Variants in HPS4 observed in about 807,000 individuals in gnomAD.
HPS4 encodes BLOC-3 complex member HPS4.
In HPS4, 44 loss-of-function variants were observed where a neutral mutation model predicts 70.3. The ratio of observed to expected loss-of-function variants is 0.63; its 90% CI spans 0.49 to 0.80. HPS4 has a LOEUF of 0.80. Ranked by LOEUF, HPS4 falls within the 30% of genes least tolerant of loss-of-function variation. The pLI, the probability that HPS4 is intolerant of heterozygous loss-of-function variation, is 0.00. For missense variants in HPS4, 873 were observed against 884.4 expected, an observed-to-expected ratio of 0.99 and a Z score of 0.16; for synonymous variants, 377 against 355.9, an observed-to-expected ratio of 1.06 and a Z score of -0.67.
In HPS4 at chr22:26,464,366, T is replaced by C. The variant is rs2146550913; in HGVS notation, c.1264A>G (p.Ile422Val). Residue 422 changes from isoleucine to valine, a missense_variant, in exon 11 of 14, where the codon ATC becomes GTC. Ile to Val is a conservative substitution (Grantham distance 29). Transcript: ENST00000398145. ...GCAGAGGGAGGGCGCAAGCTGCTGA[T>C]GGCTGTGTCCTCAGGAGGCGTGGGT... Reference protein sequence around the residue: ...LEPTPPEDTAISSLRPPSAPE... With the variant: ...LEPTPPEDTAVSSLRPPSAPE... The C allele has an allele frequency of 6.2e-7, 1 of 1,614,176 alleles. No homozygotes were observed.
intron 11 of HPS4, among the ~76,000 whole-genome samples, chr22:26,462,233 C>T (rs566571607): frequency 2.6e-5 from 4 of 152,206 alleles, no homozygotes; most frequent in Non-Finnish European, 5.9e-5. Context: ...CCACAGAAGC[C>T]CATGGAGGCT....
intron 9 of HPS4, 67 bp from the exon 10 acceptor site, chr22:26,465,618 G>T (rs1352385290): frequency 1.5e-6 from 2 of 1,311,202 alleles, no homozygotes; most frequent in Non-Finnish European, 1.1e-6. Flanking sequence ...GGCAATAGCT[G>T]CACTGGCGTG....
downstream of HPS4, chr22:26,444,032 G>A (rs752918022): frequency 3.3e-5 from 5 of 152,242 alleles, no homozygotes; most frequent in Non-Finnish European, 5.9e-5. Context: ...GCCAAACTGG[G>A]CCTGGAAAAT....
At chr22:26,445,247 T>G (rs2084914417) in intron 3 of HPS4, among the ~76,000 whole-genome samples, 1 of 151,940 alleles carries the variant, frequency 6.6e-6, no homozygotes, top group African/African-American at 2.4e-5. Flanking sequence ...GGTGGGAGGA[T>G]CACTTGAACC....
At chr22:26,470,868 G>T in intron 6 of HPS4, 55 bp from the exon 7 acceptor site, 1 of 1,606,662 alleles carries the variant, frequency 6.2e-7, no homozygotes, top group South Asian at 1.1e-5. Flanking sequence ...CAATCAGGAA[G>T]GGAGAAAAGG....
At chr22:26,473,094 G>C (rs1045043856) in intron 4 of HPS4, 155 bp from the exon 5 acceptor site, 5 of 690,666 alleles carry the variant, frequency 7.2e-6, no homozygotes, top group Non-Finnish European at 1.3e-5. Context: ...TTCTGGCCAA[G>C]TTAATCTCCA....
chr22:26,463,200 C>T (rs2087678647), intron 11 of HPS4, among the ~76,000 whole-genome samples: 1 of 152,184 alleles, frequency 6.6e-6, no homozygotes, highest in South Asian at 2.1e-4. Context: ...GTTTACCACT[C>T]TAAGCCTCTA....
chr22:26,452,963 C>T lies in HPS4; in HGVS notation c.*270G>A. 2.1e-6 allele frequency: 1 copy of T among 467,396 alleles called. No homozygotes were observed. Among genetic ancestry groups the T allele is most frequent in the South Asian group, 2.2e-5 (1 of 46,456 alleles). 29.0% of individuals were successfully genotyped at this position (467,396 alleles called of 1,614,324 possible). On this transcript the variant is annotated 3_prime_UTR_variant, in exon 14 of 14. Transcript: ENST00000398145. ...ATGAAATACCTCAGGCTCAGTATGGCAGAGAGGGAGCCAAGCCCGTCCCGG... is the reference window on the plus strand; with the variant it reads ...ATGAAATACCTCAGGCTCAGTATGGTAGAGAGGGAGCCAAGCCCGTCCCGG...
At chr22:26,455,894 A>C (rs2086030795) in intron 13 of HPS4, among the ~76,000 whole-genome samples, 1 of 152,180 alleles carries the variant, frequency 6.6e-6, no homozygotes, top group Non-Finnish European at 1.5e-5. Flanking sequence ...TTGGTGGAGC[A>C]GATGCTGACA....
downstream of HPS4, among the ~76,000 whole-genome samples, chr22:26,449,184 GCCT>G (rs2085055819): frequency 6.6e-6 from 1 of 152,000 alleles, no homozygotes; most frequent in African/African-American, 2.4e-5. Flanking sequence ...CCATTATCTG[GCCT>G]CCTCTCTGCT....
intron 3 of HPS4, among the ~76,000 whole-genome samples, chr22:26,477,902 G>T (rs1352798018): frequency 1.3e-5 from 2 of 152,184 alleles, no homozygotes; most frequent in African/African-American, 4.8e-5. Flanking sequence ...AAGATGAGTG[G>T]CTGGGTGAGG....
At chr22:26,458,323 G>T in intron 12 of HPS4, 122 bp downstream of exon 12, 1 of 1,262,386 alleles carries the variant, frequency 7.9e-7, no homozygotes. Flanking sequence ...AGAGAGCCCT[G>T]AACGCAGGTC....
chr22:26,443,471 T>C (rs990294570), downstream of HPS4: 1 of 419,392 alleles, frequency 2.4e-6, no homozygotes, highest in African/African-American at 2.0e-5. Flanking sequence ...AACAGCGCAT[T>C]CCTTTGATTG....
At position 26,453,381 on chromosome 22, in the gene HPS4, G is replaced by A. The variant is rs1166009167; in HGVS notation, c.1979C>T (p.Ala660Val). ...TGTCTCCTGGATGGGGTTGCAACAG[G>A]CGTACACAGCCGTGGAGGCATTTCT... ...TVRNASTAVY[A>V]CCNPIQETYF... Residue 660 changes from alanine to valine, a missense_variant, in exon 14 of 14, where the codon GCC becomes GTC. Transcript: ENST00000398145. 1 of 1,614,044 alleles carries A rather than the reference G, an allele frequency of 6.2e-7. No homozygotes were observed. Among genetic ancestry groups the A allele is most frequent in the Non-Finnish European group, 8.5e-7 (1 of 1,180,050 alleles).
At chr22:26,475,347 C>CT (rs5844705) in intron 4 of HPS4, 16,253 of 95,786 alleles carry the variant, frequency 0.17, 1,517 homozygotes, top group South Asian at 0.39. Context: ...CATTAAATTT[C>CT]TTTTTTTTTT....
intron 10 of HPS4, 60 bp downstream of exon 10, chr22:26,465,395 A>G (rs1021570289): frequency 1.1e-4 from 136 of 1,228,196 alleles, no homozygotes; most frequent in Non-Finnish European, 1.8e-5. Context: ...TTTTTTAACC[A>G]ATCACGCGAT....
At chr22:26,455,312 G>C (rs2146289121) in intron 13 of HPS4, among the ~76,000 whole-genome samples, 1 of 152,138 alleles carries the variant, frequency 6.6e-6, no homozygotes, top group East Asian at 1.9e-4. Flanking sequence ...ATTCACAATA[G>C]CAAAGATTTG....
intron 11 of HPS4, among the ~76,000 whole-genome samples, chr22:26,460,820 A>G (rs1179085457): frequency 2.0e-5 from 3 of 152,224 alleles, no homozygotes; most frequent in African/African-American, 4.8e-5. Context: ...TTGGTTGGGG[A>G]AAAAAGTCAA....
In HPS4 at chr22:26,472,822, ATACTTG is replaced by A. The variant is rs1345120544; in HGVS notation, c.384+4_384+9del. The A allele has an allele frequency of 6.2e-7, 1 of 1,601,664 alleles. No homozygotes were observed. Among genetic ancestry groups the A allele is most frequent in the Non-Finnish European group, 8.6e-7 (1 of 1,168,688 alleles). ...GCCCAATGTAAGACTCCTCAACCCC[ATACTTG>A]TACCTCATAAGCTAGGGAAACAGGT... On this transcript the variant is annotated splice_donor_5th_base_variant and intron_variant, in intron 5 of 13. Transcript: ENST00000398145.
Sources: gnomAD v4.1 joint callset for allele counts (sites outside exome capture counted in the v4.1 genomes callset) on GRCh38, gnomAD v4.1.1 for gene constraint, MANE v1.5 for transcripts, NCBI Gene and HGNC (gene_info 2026-07-23, HGNC 2026-07-21) for gene names.